Variants in UBA1 observed in about 807,000 individuals in gnomAD.
UBA1 encodes the protein ubiquitin-like modifier-activating enzyme 1.
Under a neutral mutation model 84.7 loss-of-function variants are expected in UBA1, and 4 were observed. The observed-to-expected ratio is 0.05, with a 90% CI of 0.02 to 0.11. The LOEUF (loss-of-function observed/expected upper bound fraction) is 0.11, where lower values mean the gene tolerates loss of function less well. Among genes scored for constraint, UBA1 ranks in the 10% least tolerant of loss-of-function variants. The probability of loss-of-function intolerance (pLI) is 1.00; values close to 1 mark genes in which losing one functional copy is unlikely to be tolerated. For synonymous variants in UBA1, 364 were observed against 362.6 expected (o/e 1.00, Z -0.04); for missense variants, 513 against 902.8 (o/e 0.57, Z 5.53).
upstream of UBA1, chrX:47,191,747 C>T (rs1052806528): frequency 8.9e-6 from 1 of 111,965 alleles, no homozygotes; most frequent in Non-Finnish European, 1.9e-5. Context: ...TAAGTAGCAC[C>T]CTGAGTTTTC....
intron 14 of UBA1, chrX:47,204,913 T>G (rs1353884109): frequency 8.9e-6 from 1 of 112,190 alleles, no homozygotes; most frequent in Non-Finnish European, 1.9e-5. Context: ...TACCAAGGAA[T>G]AAAACAAGAT....
intron 1 of UBA1, chrX:47,198,217 C>T (rs782634749): frequency 3.1e-6 from 3 of 981,108 alleles, no homozygotes; most frequent in Middle Eastern, 3.1e-4. Context: ...CCAAGCCTCA[C>T]TTCCCTCCTG....
intron 1 of UBA1, among the ~76,000 whole-genome samples, chrX:47,196,103 G>T (rs1469672388): frequency 9.0e-6 from 1 of 110,560 alleles, no homozygotes; most frequent in African/African-American, 3.3e-5. Context: ...GCAGCCTTGG[G>T]GGCCTCCACT....
chrX:47,202,267 T>C lies in UBA1; in HGVS notation c.909+14T>C. 8.3e-7 allele frequency: 1 copy of C among 1,205,675 alleles called. No homozygotes were observed. Among genetic ancestry groups the C allele is most frequent in the Non-Finnish European group, 1.1e-6 (1 of 890,895 alleles). ...AAGATTAGCTTTGTGAGTGTGTCGA[T>C]GGGATCAGTGGGCTGTGGGGGGTGG... On this transcript the variant is annotated intron_variant, in intron 9 of 25. Coordinates refer to ENST00000335972, the MANE Select transcript of UBA1 (RefSeq NM_003334.4).
At position 47,202,744 on chromosome X, in the gene UBA1, A is replaced by G. The variant is rs961461636; in HGVS notation, c.1163A>G (p.Tyr388Cys). 3 of 1,210,810 alleles carry G rather than the reference A, an allele frequency of 2.5e-6. No homozygotes were observed. The African/African-American group carries it at 5.2e-5, about 21-fold the overall frequency. ...GAGGACCTCATCCGGAAGCTGGCATATGTGGCTGCTGGGGATCTGGCACCC... is the reference window on the plus strand; with the variant it reads ...GAGGACCTCATCCGGAAGCTGGCATGTGTGGCTGCTGGGGATCTGGCACCC... ...LDEDLIRKLAYVAAGDLAPIN... is the reference protein window; with the variant it reads ...LDEDLIRKLACVAAGDLAPIN... Residue 388 changes from tyrosine (Y) to cysteine (C), a missense_variant, in exon 11 of 26, where the codon TAT (tyrosine) becomes TGT (cysteine). Physicochemically the swap from Tyr to Cys is radical, Grantham distance 194 (BLOSUM62 -2). Coordinates refer to ENST00000335972, the MANE Select transcript of UBA1 (RefSeq NM_003334.4).
upstream of UBA1, among the ~76,000 whole-genome samples, chrX:47,193,129 T>C (rs1463999517): frequency 8.9e-6 from 1 of 111,750 alleles, no homozygotes; most frequent in Non-Finnish European, 1.9e-5. Flanking sequence ...GCCTTGGCTA[T>C]AGCATCGTAA....
intron 25 of UBA1, 42 bp downstream of exon 25, chrX:47,214,679 G>C: frequency 8.4e-7 from 1 of 1,193,294 alleles, no homozygotes; most frequent in Non-Finnish European, 1.1e-6. Context: ...CCCTGTATGG[G>C]TTGGGGAGCC....
chrX:47,205,514 CAG>C (rs781912289), intron 14 of UBA1: 128 of 345,830 alleles, frequency 3.7e-4, no homozygotes, highest in African/African-American at 3.1e-3. Flanking sequence ...CCTCCTAACT[CAG>C]GGCCTGGGTC....
At chrX:47,199,403 C>A in intron 4 of UBA1, 26 bp downstream of exon 4, 2 of 1,212,162 alleles carry the variant, frequency 1.6e-6, no homozygotes, top group Non-Finnish European at 2.2e-6. Flanking sequence ...ACCCTTCCCC[C>A]TTTCCCCCTT....
At chrX:47,191,966 C>T (rs1936071844), upstream of UBA1, among the ~76,000 whole-genome samples, 1 of 112,187 alleles carries the variant, frequency 8.9e-6, no homozygotes, top group Non-Finnish European at 1.9e-5. Context: ...CCCATCGATC[C>T]TTTCCAGTTG....
chrX:47,202,449 A>G lies in UBA1; in HGVS notation c.1001A>G (p.Gln334Arg). ...SRPAQLHIGF[Q>R]ALHQFCAQHG... ...CCTGCCCAGCTGCACATTGGCTTCC[A>G]GGCCCTGCACCAGTTCTGTGCTCAG... The change falls in exon 10 of 26, where the codon CAG becomes CGG. Residue 334 changes from glutamine (Q) to arginine (R), a missense_variant. Physicochemically the swap from Gln to Arg is conservative, Grantham distance 43. Transcript: ENST00000335972. 8.3e-7 allele frequency: 1 copy of G among 1,208,030 alleles called. No homozygotes were observed. The highest frequency in any genetic ancestry group is 3.0e-5 in the East Asian group (1 of 33,677).
intron 1 of UBA1, chrX:47,197,742 G>A: frequency 1.9e-6 from 1 of 531,498 alleles, no homozygotes; most frequent in Non-Finnish European, 2.3e-6. Flanking sequence ...GATGAAACGT[G>A]ATAACACGAG....
chrX:47,202,055 G>A (rs1442762086), intron 8 of UBA1, 101 bp from the exon 9 acceptor site: 33 of 672,475 alleles, frequency 4.9e-5, no homozygotes, highest in Non-Finnish European at 7.5e-5. Context: ...GACAGCTTCT[G>A]ATGTCTGAGC....
rs7886193 is a variant in UBA1 at position 47,201,822 on chromosome X, A to G, written c.811+212A>G. Among the ~76,000 whole-genome samples the G allele has an allele frequency of 0.081, 9,020 of 111,393 alleles. 920 individuals are homozygous for G. Among genetic ancestry groups the G allele is most frequent in the African/African-American group, 0.28 (8,509 of 30,373 alleles). ...CTGTGTTTGAGCTATTCCTGGGAGA[A>G]TGTGTCCCTGGTATCTGAGCTGAGT... On this transcript the variant is annotated intron_variant, in intron 8 of 25. Coordinates refer to ENST00000335972, the MANE Select transcript of UBA1 (RefSeq NM_003334.4).
At chrX:47,203,447 C>A in intron 13 of UBA1, 94 bp from the exon 14 acceptor site, 1 of 1,075,915 alleles carries the variant, frequency 9.3e-7, no homozygotes, top group East Asian at 3.0e-5. Context: ...AGCCCCTCTC[C>A]CCGTCTCTCA....
At chrX:47,211,956 AC>A (rs1215349047) in intron 20 of UBA1, among the ~76,000 whole-genome samples, 2 of 76,449 alleles carry the variant, frequency 2.6e-5, no homozygotes, top group East Asian at 9.9e-4. Context: ...CTCTGTATAT[AC>A]CCCCACTCTC....
At chrX:47,202,115 G>T in intron 8 of UBA1, 41 bp from the exon 9 acceptor site, 1 of 1,113,318 alleles carries the variant, frequency 9.0e-7, no homozygotes. Context: ...GGATTTTAGG[G>T]AGAATGGGTA....
At chrX:47,213,255 C>A (rs1937005344) in intron 23 of UBA1, 74 bp downstream of exon 23, 1 of 1,047,240 alleles carries the variant, frequency 9.5e-7, no homozygotes, top group South Asian at 2.1e-5. Flanking sequence ...CACGTCATAC[C>A]CTGTCACCAG....
At chrX:47,195,503 G>A (rs1936175212) in intron 1 of UBA1, among the ~76,000 whole-genome samples, 1 of 110,918 alleles carries the variant, frequency 9.0e-6, no homozygotes, top group Non-Finnish European at 1.9e-5. Flanking sequence ...CACCTGCCTC[G>A]GCCTCCCAAA....
Sources: allele counts gnomAD v4.1 joint callset (sites outside exome capture counted in the v4.1 genomes callset), GRCh38; gene constraint gnomAD v4.1.1; transcripts MANE v1.5; gene names NCBI Gene and HGNC (gene_info 2026-07-23, HGNC 2026-07-21).